DNM3: variants seen among roughly 807,000 people sequenced by gnomAD.
DNM3 encodes dynamin 3, also known as dynamin-3.
DNM3 carries 47 observed loss-of-function variants against 101.6 expected under a neutral mutation model. The observed-to-expected ratio is 0.46, with a 90% CI of 0.37 to 0.59. The LOEUF is 0.59. Among genes scored for constraint, DNM3 ranks in the 20% least tolerant of loss-of-function variants. DNM3 has a pLI of 0.00. For missense variants in DNM3, 849 were observed against 1,085.7 expected, an observed-to-expected ratio of 0.78 and a Z score of 3.06; for synonymous variants, 385 against 387.9, an observed-to-expected ratio of 0.99 and a Z score of 0.09.
At chr1:172,038,175 A>G in intron 6 of DNM3, 144 bp from the exon 7 acceptor site, 2 of 1,035,492 alleles carry the variant, frequency 1.9e-6, no homozygotes, top group Non-Finnish European at 2.8e-6. Context: ...TCTACATAAT[A>G]GTCAATGTCA....
chr1:172,064,307 T>C (rs976945651), intron 10 of DNM3, among the ~76,000 whole-genome samples: 1 of 152,136 alleles, frequency 6.6e-6, no homozygotes, highest in African/African-American at 2.4e-5. Context: ...CTTACAACTG[T>C]AGGCTTTTAA....
At chr1:172,163,948 C>T (rs1292307348) in intron 14 of DNM3, among the ~76,000 whole-genome samples, 3 of 117,612 alleles carry the variant, frequency 2.6e-5, no homozygotes, top group Admixed American at 1.6e-4. Flanking sequence ...CACATGCATA[C>T]ATATATATAC....
At chr1:172,273,440 T>C (rs921731770) in intron 15 of DNM3, among the ~76,000 whole-genome samples, 13 of 152,178 alleles carry the variant, frequency 8.5e-5, no homozygotes, top group African/African-American at 3.1e-4. Context: ...AATTAAAGCA[T>C]TGCAAAACAA....
chr1:172,345,587 C>T (rs1355092303), intron 17 of DNM3, among the ~76,000 whole-genome samples: 2 of 152,200 alleles, frequency 1.3e-5, no homozygotes, highest in Non-Finnish European at 2.9e-5. Context: ...TATGCACACA[C>T]ACTGTTATCC....
chr1:171,881,066 ATTAT>A (rs1478261493), intron 1 of DNM3, among the ~76,000 whole-genome samples: 5 of 152,116 alleles, frequency 3.3e-5, no homozygotes, highest in African/African-American at 1.2e-4. Context: ...ATAATCATAA[ATTAT>A]TTATTTTATT....
chr1:172,339,025 C>T (rs759438272), intron 17 of DNM3: 1 of 480,020 alleles, frequency 2.1e-6, no homozygotes, highest in South Asian at 1.5e-5. Flanking sequence ...TCATGATGTT[C>T]ATTGACATTT....
intron 14 of DNM3, among the ~76,000 whole-genome samples, chr1:172,244,387 C>A (rs12081408): frequency 0.17 from 25,083 of 151,860 alleles, 2,413 homozygotes; most frequent in East Asian, 0.24. Context: ...TTCTGCACAG[C>A]AAAAGAAACT....
intron 13 of DNM3, among the ~76,000 whole-genome samples, chr1:172,106,847 CTTTTTTTTT>C (rs1165611083): frequency 5.9e-5 from 4 of 67,960 alleles, no homozygotes; most frequent in African/African-American, 1.9e-4. Flanking sequence ...TAACATTATT[CTTTTTTTTT>C]TTTTTTTTTT....
intron 14 of DNM3, among the ~76,000 whole-genome samples, chr1:172,181,684 A>G (rs1002152133): frequency 6.6e-6 from 1 of 152,006 alleles, no homozygotes. Context: ...ATGCCAAAGC[A>G]TGGAGCAAAA....
At chr1:171,951,797 G>A (rs553993920) in intron 2 of DNM3, among the ~76,000 whole-genome samples, 5 of 152,220 alleles carry the variant, frequency 3.3e-5, no homozygotes, top group South Asian at 2.1e-4. Flanking sequence ...TGACTATAGC[G>A]CAGGAAACAG....
intron 9 of DNM3, among the ~76,000 whole-genome samples, chr1:172,047,048 G>A (rs2049866959): frequency 6.6e-6 from 1 of 152,046 alleles, no homozygotes; most frequent in Non-Finnish European, 1.5e-5. Context: ...AATGCACAAT[G>A]TCCTGAGCAT....
chr1:171,875,304 C>G (rs1324929078), intron 1 of DNM3, among the ~76,000 whole-genome samples: 3 of 152,194 alleles, frequency 2.0e-5, no homozygotes, highest in African/African-American at 4.8e-5. Flanking sequence ...TAAGCCTTCC[C>G]TTTCCTCTGC....
chr1:171,934,285 C>G (rs1334363030), intron 2 of DNM3, among the ~76,000 whole-genome samples: 1 of 152,082 alleles, frequency 6.6e-6, no homozygotes, highest in Non-Finnish European at 1.5e-5. Context: ...ACATGTTTAC[C>G]CTTACATTTA....
At chr1:172,061,067 C>G (rs1257888950) in intron 10 of DNM3, among the ~76,000 whole-genome samples, 26 of 137,602 alleles carry the variant, frequency 1.9e-4, no homozygotes, top group Admixed American at 1.6e-3. Context: ...CAAAAGAAGA[C>G]ATTTATGCAG....
chr1:172,345,819 TTA>T (rs1361564723), intron 17 of DNM3, among the ~76,000 whole-genome samples: 2 of 152,074 alleles, frequency 1.3e-5, no homozygotes, highest in Admixed American at 6.6e-5. Flanking sequence ...GCTATCATCG[TTA>T]TGTTAGGAGG....
chr1:172,056,169 C>G (rs1359412481), intron 10 of DNM3, among the ~76,000 whole-genome samples: 3 of 152,216 alleles, frequency 2.0e-5, no homozygotes, highest in Non-Finnish European at 4.4e-5. Context: ...AGATTATATC[C>G]CGCACCTGGC....
rs746181556 is a variant in DNM3 at position 172,339,079 on chromosome 1, A to T, written c.1893+15739A>T. On this transcript the variant is annotated intron_variant, in intron 17 of 20. Coordinates refer to ENST00000627582, the MANE Select transcript of DNM3 (RefSeq NM_015569.5). ...GAAAGTTTGATTACTATTGAAGAAA[A>T]GTTGGGGGGAACATCTCACTGTGAA... 6.1e-6 allele frequency: 3 copies of T among 488,600 alleles called. No homozygotes were observed. In the Admixed American group the frequency reaches 6.5e-5, roughly 11 times the overall value. The allele number at this position is 488,600 out of a possible 1,614,324, so 30.3% of individuals were successfully genotyped here. A position where few individuals can be genotyped will look rare whatever the true frequency, so the allele number is the denominator to read the frequency against.
At chr1:171,907,568 A>G (rs2038937828) in intron 1 of DNM3, among the ~76,000 whole-genome samples, 1 of 151,740 alleles carries the variant, frequency 6.6e-6, no homozygotes, top group African/African-American at 2.4e-5. Flanking sequence ...CCCATTTCAC[A>G]TGGAGAAAAT....
chr1:172,013,662 C>A (rs113316989), intron 4 of DNM3, among the ~76,000 whole-genome samples: 3 of 151,780 alleles, frequency 2.0e-5, no homozygotes, highest in South Asian at 2.1e-4. Flanking sequence ...TTAATGAGGT[C>A]TGAAAGAAAT....
Sources: gnomAD v4.1 joint callset for allele counts (sites outside exome capture counted in the v4.1 genomes callset) on GRCh38, gnomAD v4.1.1 for gene constraint, MANE v1.5 for transcripts, NCBI Gene and HGNC (gene_info 2026-07-23, HGNC 2026-07-21) for gene names.